DTD1: variants seen among roughly 807,000 people sequenced by gnomAD.
DTD1 encodes D-tyrosyl-tRNA deacylase 1 homolog.
Under a neutral mutation model 25.6 loss-of-function variants are expected in DTD1, and 13 were observed. That is an observed-to-expected ratio of 0.51 (90% CI 0.33 to 0.81). The LOEUF is 0.81. DTD1 is among the 30% of genes least tolerant of loss of function. The pLI is 0.02. For missense variants in DTD1, 193 were observed against 266.4 expected, an observed-to-expected ratio of 0.72 and a Z score of 1.92; for synonymous variants, 110 against 103.6, an observed-to-expected ratio of 1.06 and a Z score of -0.37.
In DTD1 at chr20:18,765,401, T is replaced by C. The variant is rs540262992; in HGVS notation, c.*2061T>C. ...AGCCTATATGTGTGAGGGGGGATCTTTGATTAATTAAAACATCTTCCTCAC... is the reference window on the plus strand; with the variant it reads ...AGCCTATATGTGTGAGGGGGGATCTCTGATTAATTAAAACATCTTCCTCAC... On this transcript the variant is annotated 3_prime_UTR_variant, in exon 6 of 6. Transcript: ENST00000377452. 1.8e-4 allele frequency: 27 copies of C among 152,320 alleles called. No individual in the cohort carries two copies. Among genetic ancestry groups the C allele is most frequent in the African/African-American group, 6.5e-4 (27 of 41,568 alleles). The allele number at this position is 152,320 out of a possible 1,614,324, so 9.4% of individuals were successfully genotyped here.
chr20:18,615,091 G>A (rs908791912), intron 3 of DTD1, among the ~76,000 whole-genome samples: 6 of 152,008 alleles, frequency 3.9e-5, no homozygotes, highest in African/African-American at 1.4e-4. Context: ...TAGATGTGCT[G>A]ATCCCTTCAG....
intron 3 of DTD1, among the ~76,000 whole-genome samples, chr20:18,626,337 A>G (rs1436617242): frequency 6.6e-6 from 1 of 152,144 alleles, no homozygotes; most frequent in Non-Finnish European, 1.5e-5. Context: ...CTACACAGAG[A>G]ATCTGCAGGG....
At chr20:18,702,754 A>AAC (rs1471489700) in intron 4 of DTD1, among the ~76,000 whole-genome samples, 1 of 152,004 alleles carries the variant, frequency 6.6e-6, no homozygotes, top group Non-Finnish European at 1.5e-5. Context: ...CAAAAAAAAA[A>AAC]AAAAAAAAGG....
intron 1 of DTD1, 106 bp downstream of exon 1, chr20:18,588,221 C>T: frequency 3.8e-6 from 4 of 1,057,854 alleles, no homozygotes; most frequent in Non-Finnish European, 4.8e-6. Context: ...GCTGCGGCCC[C>T]TCCGCGAGCC....
At chr20:18,760,753 C>T (rs2061358297) in intron 5 of DTD1, among the ~76,000 whole-genome samples, 1 of 152,200 alleles carries the variant, frequency 6.6e-6, no homozygotes, top group Non-Finnish European at 1.5e-5. Context: ...CCACTACTCT[C>T]TTCAAAGCTG....
chr20:18,759,725 T>C lies in DTD1; in HGVS notation c.*20-3635T>C, dbSNP rs140693891. 2.4e-3 allele frequency among the ~76,000 whole-genome samples: 371 copies of C among 152,350 alleles called. 2 individuals are homozygous for C. Among genetic ancestry groups the C allele is most frequent in the African/African-American group, 8.5e-3 (355 of 41,586 alleles). On this transcript the variant is annotated intron_variant, in intron 5 of 5. Coordinates refer to ENST00000377452, the MANE Select transcript of DTD1 (RefSeq NM_080820.6). Reference sequence around the variant, plus strand: ...ACAATTATGCGTCTTGGAGTTGCTCTTCTCGAGCAGTATCTTTGTGGCGTT... The same window carrying C: ...ACAATTATGCGTCTTGGAGTTGCTCCTCTCGAGCAGTATCTTTGTGGCGTT...
At chr20:18,617,007 C>G (rs925069851) in intron 3 of DTD1, among the ~76,000 whole-genome samples, 1 of 152,156 alleles carries the variant, frequency 6.6e-6, no homozygotes, top group African/African-American at 2.4e-5. Flanking sequence ...GGCTCTTTCC[C>G]CCTCCTGTCC....
chr20:18,611,030 A>G (rs893126694), intron 3 of DTD1: 17 of 152,270 alleles, frequency 1.1e-4, no homozygotes, highest in African/African-American at 3.9e-4. Context: ...TTACTTTCTT[A>G]TTCCCCTAAT....
At chr20:18,692,131 C>T (rs1440948860) in intron 4 of DTD1, 1 of 152,164 alleles carries the variant, frequency 6.6e-6, no homozygotes, top group Non-Finnish European at 1.5e-5. Flanking sequence ...GAGAGCCACA[C>T]CCCAAACTGT....
intron 4 of DTD1, among the ~76,000 whole-genome samples, chr20:18,709,846 T>C (rs904855165): frequency 6.6e-6 from 1 of 151,852 alleles, no homozygotes; most frequent in East Asian, 1.9e-4. Context: ...CAGGGAGGGG[T>C]GGGACACTTT....
At chr20:18,753,178 T>C (rs1461078631) in intron 5 of DTD1, among the ~76,000 whole-genome samples, 1 of 152,232 alleles carries the variant, frequency 6.6e-6, no homozygotes, top group Non-Finnish European at 1.5e-5. Context: ...TCAGTAGCCA[T>C]ATTTCAAGTG....
At chr20:18,704,807 C>T (rs992023365) in intron 4 of DTD1, among the ~76,000 whole-genome samples, 12 of 152,112 alleles carry the variant, frequency 7.9e-5, no homozygotes, top group Non-Finnish European at 5.9e-5. Flanking sequence ...AGAAACACCA[C>T]TGCAGAGGAA....
intron 3 of DTD1, among the ~76,000 whole-genome samples, chr20:18,597,173 G>A (rs2060615525): frequency 6.6e-6 from 1 of 150,386 alleles, no homozygotes; most frequent in Non-Finnish European, 1.5e-5. Context: ...GTGTGTGTGT[G>A]TGTGTGTGTG....
rs2061374292 is a variant in DTD1, at chr20:18,764,519, C to CT, written c.*1180dup. The CT allele has an allele frequency of 6.6e-6, 1 of 152,182 alleles. No homozygotes were observed. The highest frequency in any genetic ancestry group is 1.5e-5 in the Non-Finnish European group (1 of 68,042). 9.4% of individuals were successfully genotyped at this position (152,182 alleles called of 1,614,324 possible). ...TTGTGATTTTTATAATGCTGAAACTCTGTCTTCTGTGACCTCTATAATAAC... is the reference window on the plus strand; with the variant it reads ...TTGTGATTTTTATAATGCTGAAACTCTTGTCTTCTGTGACCTCTATAATAAC... On this transcript the variant is annotated 3_prime_UTR_variant, in exon 6 of 6. Transcript: ENST00000377452.
chr20:18,639,182 G>GAAAAA (rs56353252), intron 4 of DTD1, among the ~76,000 whole-genome samples: 1 of 118,248 alleles, frequency 8.5e-6, no homozygotes, highest in African/African-American at 3.3e-5. Context: ...TTTTTTTTAA[G>GAAAAA]AAAAAAAAAA....
chr20:18,729,026 T>C (rs1001364716), intron 4 of DTD1, among the ~76,000 whole-genome samples: 1 of 152,178 alleles, frequency 6.6e-6, no homozygotes, highest in African/African-American at 2.4e-5. Context: ...TTGCTTAAGA[T>C]AGGGTCTCAC....
intron 4 of DTD1, among the ~76,000 whole-genome samples, chr20:18,670,236 A>C (rs1037006252): frequency 6.6e-6 from 1 of 152,166 alleles, no homozygotes; most frequent in Non-Finnish European, 1.5e-5. Context: ...TGAGCTGATC[A>C]TTTGAGGTTA....
At chr20:18,588,606 G>A (rs1367587701) in intron 1 of DTD1, 5 of 399,562 alleles carry the variant, frequency 1.3e-5, no homozygotes, top group African/African-American at 1.1e-4. Flanking sequence ...GATGCGGAGA[G>A]TTGCTCCTTG....
chr20:18,678,394 T>C (rs1480915768), intron 4 of DTD1, among the ~76,000 whole-genome samples: 2 of 152,234 alleles, frequency 1.3e-5, no homozygotes. Context: ...GTTCTTCATA[T>C]GAGCTTGCAT....
Sources: gnomAD v4.1 joint callset for allele counts (sites outside exome capture counted in the v4.1 genomes callset) on GRCh38, gnomAD v4.1.1 for gene constraint, MANE v1.5 for transcripts, NCBI Gene and HGNC (gene_info 2026-07-23, HGNC 2026-07-21) for gene names.